The following UPF3A variants were observed in gnomAD, a reference collection of about 807,000 sequenced individuals.
UPF3A encodes the protein regulator of nonsense transcripts 3A.
UPF3A carries 42 observed loss-of-function variants against 53.5 expected under a neutral mutation model. The ratio of observed to expected loss-of-function variants is 0.78; its 90% CI spans 0.61 to 1.01. The LOEUF (loss-of-function observed/expected upper bound fraction) is 1.01, where lower values mean the gene tolerates loss of function less well. UPF3A is among the 50% of genes least tolerant of loss of function. The pLI, the probability that UPF3A is intolerant of heterozygous loss-of-function variation, is 0.00. For missense variants in UPF3A, 575 were observed against 598.0 expected, an observed-to-expected ratio of 0.96 and a Z score of 0.40; for synonymous variants, 237 against 225.3, an observed-to-expected ratio of 1.05 and a Z score of -0.47.
chr13:114,295,284 C>G (rs2085776297), intron 7 of UPF3A, among the ~76,000 whole-genome samples: 1 of 152,234 alleles, frequency 6.6e-6, no homozygotes, highest in Admixed American at 6.5e-5. Context: ...CTCCGGAAGC[C>G]TTGCAGGGCG....
intron 2 of UPF3A, chr13:114,282,551 G>C (rs7991394): frequency 0.066 from 65,215 of 985,432 alleles, 2,301 homozygotes; most frequent in South Asian, 0.16. Flanking sequence ...AGAGTCTCTC[G>C]GCGCCACGGG....
intron 3 of UPF3A, chr13:114,283,711 A>G: frequency 1.0e-6 from 1 of 977,080 alleles, no homozygotes; most frequent in Non-Finnish European, 1.2e-6. Context: ...GCAGTCTTCA[A>G]CTCTACTCTC....
chr13:114,299,191 A>G (rs577051580), intron 8 of UPF3A, among the ~76,000 whole-genome samples, 191 bp downstream of exon 8: 1 of 152,174 alleles, frequency 6.6e-6, no homozygotes, highest in Non-Finnish European at 1.5e-5. Flanking sequence ...TGCAGTCTCA[A>G]GTCTGTCTTC....
At chr13:114,292,228 C>A (rs1164541529) in intron 7 of UPF3A, among the ~76,000 whole-genome samples, 1 of 149,622 alleles carries the variant, frequency 6.7e-6, no homozygotes, top group Admixed American at 6.7e-5. Context: ...CGACTCAAGG[C>A]GTACACGTGC....
chr13:114,281,801 C>G lies in UPF3A; in HGVS notation c.162C>G (p.Gly54=), dbSNP rs1299005948. 1 of 1,552,730 alleles carries G rather than the reference C, an allele frequency of 6.4e-7. No homozygotes were observed. The highest frequency in any genetic ancestry group is 2.4e-5 in the East Asian group (1 of 41,184). The change falls in exon 1 of 10, where the codon GGC becomes GGG. Residue 54 remains glycine, a synonymous_variant. Transcript: ENST00000375299. The part of the protein sequence containing the change: ...TPPTSSSGCG[G]GAGKPREEKR... Reference sequence around the variant, plus strand: ...CAACTTCGTCCTCCGGTTGCGGGGGCGGTGCGGGCAAACCTCGCGAGGAGA... The same window carrying G: ...CAACTTCGTCCTCCGGTTGCGGGGGGGGTGCGGGCAAACCTCGCGAGGAGA...
intron 7 of UPF3A, among the ~76,000 whole-genome samples, chr13:114,294,015 C>G (rs1024975081): frequency 1.3e-5 from 2 of 152,088 alleles, no homozygotes; most frequent in South Asian, 4.1e-4. Flanking sequence ...TACTCTTGGA[C>G]TCAAGTGATC....
intron 1 of UPF3A, 45 bp from the exon 2 acceptor site, chr13:114,281,976 T>C: frequency 6.6e-7 from 1 of 1,513,396 alleles, no homozygotes; most frequent in East Asian, 2.5e-5. Context: ...TTGAGCTCCT[T>C]GTCCACGCTC....
chr13:114,295,429 C>T (rs1363413209), intron 7 of UPF3A, among the ~76,000 whole-genome samples: 1 of 151,894 alleles, frequency 6.6e-6, no homozygotes, highest in African/African-American at 2.4e-5. Flanking sequence ...TCTCCAGCGG[C>T]TCTGGCCTGC....
In UPF3A at chr13:114,301,691, C is replaced by T. The variant is rs992792296; in HGVS notation, c.1008-40C>T. On this transcript the variant is annotated intron_variant, in intron 8 of 9. Coordinates refer to ENST00000375299, the MANE Select transcript of UPF3A (RefSeq NM_023011.4). ...GAAAGGAGGGTGGGCAGCCAACCGG[C>T]GGTTTACTGCAGTTGCTGATCATTT... is the stretch of plus-strand genomic sequence containing the variant. 14 of 1,577,426 alleles carry T rather than the reference C, an allele frequency of 8.9e-6. No individual in the cohort carries two copies. The Admixed American group carries it at 1.1e-4, about 12-fold the overall frequency.
rs117024307 is a variant in UPF3A at position 114,298,837 on chromosome 13, C to G, written c.847-3C>G. ...ATACTTTACTAACATTGTAATTTCT[C>G]AGCTTCTTAAGAAACCAGAAAAGGG... On this transcript the variant is annotated splice_polypyrimidine_tract_variant and splice_region_variant and intron_variant, in intron 7 of 9. Transcript: ENST00000375299. 1.3e-6 allele frequency: 2 copies of G among 1,553,962 alleles called. No homozygotes were observed. Among genetic ancestry groups the G allele is most frequent in the Non-Finnish European group, 1.7e-6 (2 of 1,155,932 alleles).
chr13:114,289,253 C>T (rs1402586573), intron 5 of UPF3A, among the ~76,000 whole-genome samples: 2 of 152,028 alleles, frequency 1.3e-5, no homozygotes, highest in African/African-American at 4.8e-5. Flanking sequence ...TGGCCGGGTG[C>T]GGTGGCTCAC....
At chr13:114,296,212 G>A (rs771438503) in intron 7 of UPF3A, among the ~76,000 whole-genome samples, 20 of 152,194 alleles carry the variant, frequency 1.3e-4, no homozygotes, top group Admixed American at 2.6e-4. Context: ...GTGAAACCCC[G>A]TCTCTACTAA....
intron 7 of UPF3A, among the ~76,000 whole-genome samples, chr13:114,292,391 G>T (rs375152646): frequency 6.9e-6 from 1 of 145,864 alleles, no homozygotes; most frequent in Non-Finnish European, 1.5e-5. Context: ...GTTCATTTTC[G>T]GCTCAAGGCT....
intron 9 of UPF3A, among the ~76,000 whole-genome samples, chr13:114,304,078 TGCAGGGAGAATAG>T (rs1405810924): frequency 6.6e-6 from 1 of 152,188 alleles, no homozygotes; most frequent in East Asian, 1.9e-4. Flanking sequence ...GCTGCAGCTC[TGCAGGGAGAATAG>T]GCAGGGAGCG....
In UPF3A at chr13:114,304,776, C is replaced by A; in HGVS notation, c.1303-13C>A. 6.2e-7 allele frequency: 1 copy of A among 1,613,188 alleles called. No individual in the cohort carries two copies. The highest frequency in any genetic ancestry group is 8.5e-7 in the Non-Finnish European group (1 of 1,179,478). On this transcript the variant is annotated splice_polypyrimidine_tract_variant and intron_variant, in intron 9 of 9. Coordinates refer to ENST00000375299, the MANE Select transcript of UPF3A (RefSeq NM_023011.4). ...ACCTCTTGGAAGAGTAACATGCCCT[C>A]TTATCCTGGCAGGACCGGCCAGCCT...
intron 7 of UPF3A, among the ~76,000 whole-genome samples, chr13:114,296,403 C>A (rs1048358792): frequency 6.6e-6 from 1 of 152,042 alleles, no homozygotes; most frequent in Non-Finnish European, 1.5e-5. Context: ...AAAAAATAGA[C>A]GGGCCTTCCG....
chr13:114,299,008 T>C lies in UPF3A; in HGVS notation c.1007+8T>C, dbSNP rs1373211288. ...GGAGGAGCCCCAGGAGACGTGAGCG[T>C]GCTTTCATTGTTATGACCACGTCAG... On this transcript the variant is annotated splice_region_variant and intron_variant, in intron 8 of 9. Transcript: ENST00000375299. The C allele has an allele frequency of 3.1e-6, 5 of 1,588,610 alleles. No individual in the cohort carries two copies. The East Asian group carries it at 1.1e-4, about 36-fold the overall frequency.
At chr13:114,295,302 G>T (rs543770455) in intron 7 of UPF3A, among the ~76,000 whole-genome samples, 85 of 75,988 alleles carry the variant, frequency 1.1e-3, no homozygotes, top group African/African-American at 3.8e-3. Flanking sequence ...GCGTGGCAGA[G>T]CTGGCCTGCT....
chr13:114,288,986 T>C (rs913039142), intron 5 of UPF3A, among the ~76,000 whole-genome samples: 17 of 152,204 alleles, frequency 1.1e-4, no homozygotes, highest in Non-Finnish European at 2.9e-5. Context: ...GATCGGTCAC[T>C]TTAGGGCTGT....
Sources: gnomAD v4.1 joint callset for allele counts (sites outside exome capture counted in the v4.1 genomes callset) on GRCh38, gnomAD v4.1.1 for gene constraint, MANE v1.5 for transcripts, NCBI Gene and HGNC (gene_info 2026-07-23, HGNC 2026-07-21) for gene names.